Variants in LHFPL6 observed in about 807,000 individuals in gnomAD.
LHFPL6 encodes LHFPL tetraspan subfamily member 6 protein.
In LHFPL6, 9 loss-of-function variants were observed where a neutral mutation model predicts 20.6. The observed-to-expected ratio is 0.44, with a 90% CI of 0.26 to 0.76. The LOEUF (loss-of-function observed/expected upper bound fraction) is 0.76, where lower values mean the gene tolerates loss of function less well. Ranked by LOEUF, LHFPL6 falls within the 30% of genes least tolerant of loss-of-function variation. The probability of loss-of-function intolerance (pLI) is 0.20; values close to 1 mark genes in which losing one functional copy is unlikely to be tolerated. For missense variants in LHFPL6, 218 were observed against 253.5 expected (o/e 0.86, Z 0.95); for synonymous variants, 105 against 98.7 (o/e 1.06, Z -0.38).
At chr13:39,518,507 C>T (rs767578463) in intron 2 of LHFPL6, among the ~76,000 whole-genome samples, 15 of 152,134 alleles carry the variant, frequency 9.9e-5, no homozygotes, top group Non-Finnish European at 1.8e-4. Flanking sequence ...ATCCTTCTTA[C>T]TGGTAAATAA....
At chr13:39,404,827 C>G (rs1332463086) in intron 2 of LHFPL6, among the ~76,000 whole-genome samples, 1 of 152,118 alleles carries the variant, frequency 6.6e-6, no homozygotes, top group Non-Finnish European at 1.5e-5. Context: ...GTTTTATTAT[C>G]ACAGCATCTA....
At chr13:39,564,834 C>G (rs1871659788) in intron 2 of LHFPL6, among the ~76,000 whole-genome samples, 3 of 152,192 alleles carry the variant, frequency 2.0e-5, no homozygotes, top group Admixed American at 2.0e-4. Context: ...TATACTAACT[C>G]TGATGTGACA....
intron 2 of LHFPL6, among the ~76,000 whole-genome samples, chr13:39,593,148 AG>A (rs1447485338): frequency 6.6e-6 from 1 of 152,196 alleles, no homozygotes; most frequent in East Asian, 1.9e-4. Flanking sequence ...AAGGAAATAA[AG>A]GGTATTCAAT....
intron 2 of LHFPL6, among the ~76,000 whole-genome samples, chr13:39,477,659 C>T (rs1281529154): frequency 6.6e-6 from 1 of 152,168 alleles, no homozygotes; most frequent in East Asian, 1.9e-4. Context: ...AGTGAATAAC[C>T]TGTATCTCCT....
At chr13:39,449,851 G>C (rs1475844296) in intron 2 of LHFPL6, among the ~76,000 whole-genome samples, 1 of 147,368 alleles carries the variant, frequency 6.8e-6, no homozygotes, top group Non-Finnish European at 1.5e-5. Context: ...AAAAAAAAAG[G>C]AATTTCAAAC....
intron 2 of LHFPL6, among the ~76,000 whole-genome samples, chr13:39,491,465 G>T (rs1390774261): frequency 1.3e-5 from 2 of 152,212 alleles, no homozygotes; most frequent in African/African-American, 4.8e-5. Context: ...CCTGCCTCAA[G>T]AGTCTACATT....
chr13:39,418,559 T>C (rs1317135484), intron 2 of LHFPL6, among the ~76,000 whole-genome samples: 3 of 152,130 alleles, frequency 2.0e-5, no homozygotes, highest in Non-Finnish European at 2.9e-5. Flanking sequence ...ATATTAAAAG[T>C]AGGGTGGAAG....
At chr13:39,443,331 C>A (rs1169872983) in intron 2 of LHFPL6, among the ~76,000 whole-genome samples, 2 of 152,156 alleles carry the variant, frequency 1.3e-5, no homozygotes, top group Non-Finnish European at 2.9e-5. Context: ...TTCTTAGCCT[C>A]CAGACCATGA....
intron 2 of LHFPL6, among the ~76,000 whole-genome samples, chr13:39,524,534 C>CA (rs1486242216): frequency 6.6e-6 from 1 of 152,184 alleles, no homozygotes. Context: ...GGTCTTGATT[C>CA]AACCCTCTAT....
chr13:39,460,001 T>TA (rs34367638), intron 2 of LHFPL6, among the ~76,000 whole-genome samples: 27 of 151,578 alleles, frequency 1.8e-4, no homozygotes, highest in East Asian at 3.9e-4. Context: ...ATCTTTTCTT[T>TA]AAAAAAAAAG....
intron 2 of LHFPL6, among the ~76,000 whole-genome samples, chr13:39,429,498 A>G (rs1871731453): frequency 6.6e-6 from 1 of 152,060 alleles, no homozygotes; most frequent in African/African-American, 2.4e-5. Context: ...GTGTCTTTAA[A>G]TTTAAAGTGC....
chr13:39,579,329 A>G (rs1417266780), intron 2 of LHFPL6, among the ~76,000 whole-genome samples: 1 of 152,216 alleles, frequency 6.6e-6, no homozygotes, highest in Non-Finnish European at 1.5e-5. Flanking sequence ...ACACTAAACG[A>G]GAACAATATT....
rs113541578 is a variant in LHFPL6 at position 39,404,849 on chromosome 13, C to T, written c.386-26323G>A. 4.4e-3 allele frequency among the ~76,000 whole-genome samples: 671 copies of T among 152,262 alleles called. 4 individuals are homozygous for T. Among genetic ancestry groups the T allele is most frequent in the Non-Finnish European group, 6.8e-3 (463 of 68,008 alleles). On this transcript the variant is annotated intron_variant, in intron 2 of 3. Coordinates refer to ENST00000379589, the MANE Select transcript of LHFPL6 (RefSeq NM_005780.3). Reference sequence around the variant, plus strand: ...TATCACAGCATCTAAGCATCTGGTACGGTACCTGGGACAGGACAATATGTA... The same window carrying T: ...TATCACAGCATCTAAGCATCTGGTATGGTACCTGGGACAGGACAATATGTA...
intron 2 of LHFPL6, among the ~76,000 whole-genome samples, chr13:39,436,974 C>G (rs1338290095): frequency 2.0e-5 from 3 of 152,170 alleles, no homozygotes; most frequent in African/African-American, 7.2e-5. Context: ...AGCTCTAAAT[C>G]CCCAGATATA....
chr13:39,534,282 T>C (rs1247215398), intron 2 of LHFPL6, among the ~76,000 whole-genome samples: 3 of 152,154 alleles, frequency 2.0e-5, no homozygotes, highest in African/African-American at 7.2e-5. Context: ...CAAAGGAAAT[T>C]GAAGCTTTCT....
At chr13:39,349,151 C>A (rs1055838863) in intron 3 of LHFPL6, among the ~76,000 whole-genome samples, 2 of 151,996 alleles carry the variant, frequency 1.3e-5, no homozygotes, top group Non-Finnish European at 1.5e-5. Context: ...GAAAAAGAGT[C>A]CTTCATTTAA....
chr13:39,353,486 G>C (rs1188584816), intron 3 of LHFPL6, among the ~76,000 whole-genome samples: 1 of 151,796 alleles, frequency 6.6e-6, no homozygotes, highest in African/African-American at 2.4e-5. Flanking sequence ...CAGCACTTTG[G>C]GAGGCTGAGG....
intron 2 of LHFPL6, among the ~76,000 whole-genome samples, chr13:39,388,166 A>C (rs1870616367): frequency 6.6e-6 from 1 of 152,232 alleles, no homozygotes; most frequent in African/African-American, 2.4e-5. Context: ...CAATAAGGCT[A>C]TTTCTTGGCT....
At chr13:39,570,736 C>T (rs185072743) in intron 2 of LHFPL6, among the ~76,000 whole-genome samples, 15 of 152,156 alleles carry the variant, frequency 9.9e-5, no homozygotes, top group African/African-American at 3.1e-4. Context: ...ACACTATCAA[C>T]GGTCAGTATG....
Sources: gnomAD v4.1 joint callset for allele counts (sites outside exome capture counted in the v4.1 genomes callset) on GRCh38, gnomAD v4.1.1 for gene constraint, MANE v1.5 for transcripts, NCBI Gene and HGNC (gene_info 2026-07-23, HGNC 2026-07-21) for gene names.